The following STAMBPL1 variants were observed in gnomAD, a reference collection of about 807,000 sequenced individuals.
The protein encoded by STAMBPL1 is STAM binding protein like 1, also known as AMSH-like protease.
STAMBPL1 carries 44 observed loss-of-function variants against 52.9 expected under a neutral mutation model. The observed-to-expected ratio is 0.83, with a 90% CI of 0.65 to 1.07. The LOEUF (loss-of-function observed/expected upper bound fraction) is 1.07. Among genes scored for constraint, STAMBPL1 ranks in the 50% least tolerant of loss-of-function variants. The pLI is 0.00. For missense variants in STAMBPL1, 511 were observed against 520.8 expected, an observed-to-expected ratio of 0.98 and a Z score of 0.18; for synonymous variants, 164 against 177.3, an observed-to-expected ratio of 0.92 and a Z score of 0.60.
intron 8 of STAMBPL1, among the ~76,000 whole-genome samples, chr10:88,917,476 C>T (rs1317862388): frequency 2.0e-5 from 3 of 152,120 alleles, no homozygotes; most frequent in African/African-American, 7.2e-5. Flanking sequence ...TAAGAATTCA[C>T]TATAGGAGCA....
intron 2 of STAMBPL1, among the ~76,000 whole-genome samples, chr10:88,905,175 C>A (rs1303413772): frequency 1.3e-5 from 2 of 152,062 alleles, no homozygotes; most frequent in African/African-American, 4.8e-5. Flanking sequence ...CATTTGCATA[C>A]CCTGAAACCT....
chr10:88,901,507 G>C (rs1029444156), intron 1 of STAMBPL1, 149 bp from the exon 2 acceptor site: 1 of 413,138 alleles, frequency 2.4e-6, no homozygotes, highest in Non-Finnish European at 4.3e-6. Context: ...TTCAGGAAGA[G>C]ATTTCCAACA....
chr10:88,892,190 C>T (rs1359905206), intron 1 of STAMBPL1, among the ~76,000 whole-genome samples: 1 of 152,034 alleles, frequency 6.6e-6, no homozygotes, highest in Non-Finnish European at 1.5e-5. Flanking sequence ...GGGCCAGGTG[C>T]TTAGTGGGGG....
intron 1 of STAMBPL1, among the ~76,000 whole-genome samples, chr10:88,894,192 A>C (rs539303744): frequency 1.3e-5 from 2 of 152,234 alleles, no homozygotes; most frequent in East Asian, 3.9e-4. Context: ...TTCTGCTGTT[A>C]GTGGTTCCTG....
chr10:88,883,106 G>A (rs1322290217), intron 1 of STAMBPL1, among the ~76,000 whole-genome samples: 3 of 147,726 alleles, frequency 2.0e-5, no homozygotes, highest in Admixed American at 7.0e-5. Flanking sequence ...GAGAACATGC[G>A]GTGTTTGGTT....
intron 2 of STAMBPL1, among the ~76,000 whole-genome samples, chr10:88,902,097 A>G (rs1213336264): frequency 6.6e-6 from 1 of 152,158 alleles, no homozygotes; most frequent in African/African-American, 2.4e-5. Flanking sequence ...CTCACCTTGT[A>G]TGGCGTTAAC....
chr10:88,889,735 C>G (rs1239452473), intron 1 of STAMBPL1, among the ~76,000 whole-genome samples: 3 of 152,178 alleles, frequency 2.0e-5, no homozygotes, highest in African/African-American at 7.2e-5. Context: ...TGCAAAACCA[C>G]AGTAGTCATC....
intron 1 of STAMBPL1, among the ~76,000 whole-genome samples, chr10:88,890,187 G>A (rs150333643): frequency 4.6e-5 from 7 of 152,354 alleles, no homozygotes; most frequent in Non-Finnish European, 7.3e-5. Context: ...GGAGGAGGTG[G>A]TGTGAAAGAA....
In STAMBPL1 at chr10:88,901,661, G is replaced by A; in HGVS notation, c.-48G>A. On this transcript the variant is annotated 5_prime_UTR_variant, in exon 2 of 11. The change creates a new upstream start codon in the 5' untranslated region. Transcript: ENST00000371926. ...GCTTCTTGTTTTTGAAACAGATGAA[G>A]TGATTGAGAAGAAACAGTGAACATC... 6.3e-7 allele frequency: 1 copy of A among 1,587,326 alleles called. No homozygotes were observed. Among genetic ancestry groups the A allele is most frequent in the Middle Eastern group, 1.7e-4 (1 of 5,948 alleles).
At chr10:88,901,476 A>G in intron 1 of STAMBPL1, 180 bp from the exon 2 acceptor site, 1 of 385,828 alleles carries the variant, frequency 2.6e-6, no homozygotes, top group Non-Finnish European at 4.6e-6. Flanking sequence ...AGGAAACTAT[A>G]ACCACTTGCA....
At chr10:88,890,935 G>T (rs1270907364) in intron 1 of STAMBPL1, among the ~76,000 whole-genome samples, 1 of 152,086 alleles carries the variant, frequency 6.6e-6, no homozygotes, top group Non-Finnish European at 1.5e-5. Context: ...TTTATCCATC[G>T]CTTCCAGAGT....
At chr10:88,893,791 G>A (rs1438839512) in intron 1 of STAMBPL1, 3 of 152,156 alleles carry the variant, frequency 2.0e-5, no homozygotes, top group Non-Finnish European at 4.4e-5. Context: ...CTTTGGCAGG[G>A]AGGAGATAAT....
chr10:88,898,939 A>G (rs1330752890), intron 1 of STAMBPL1, among the ~76,000 whole-genome samples: 1 of 152,224 alleles, frequency 6.6e-6, no homozygotes, highest in Non-Finnish European at 1.5e-5. Context: ...AATAGAAACT[A>G]GAGACATGCA....
In STAMBPL1 at chr10:88,914,618, T is replaced by G. The variant is rs142629776; in HGVS notation, c.863T>G (p.Val288Gly). 2.1e-5 allele frequency: 32 copies of G among 1,498,312 alleles called. No homozygotes were observed. The highest frequency in any genetic ancestry group is 5.7e-5 in the African/African-American group (4 of 70,524). 92.8% of individuals were successfully genotyped at this position (1,498,312 alleles called of 1,614,324 possible). A position where few individuals can be genotyped will look rare whatever the true frequency, so the allele number is the denominator to read the frequency against. Residue 288 changes from valine to glycine, a missense_variant, in exon 7 of 11, where the codon GTG becomes GGG. By Grantham distance (109) the Val-to-Gly change is moderately radical (BLOSUM62 -3). Coordinates refer to ENST00000371926, the MANE Select transcript of STAMBPL1 (RefSeq NM_020799.4). Reference sequence around the variant, plus strand: ...CTGCAACTGGCAGAATCTAATACAGTGAGAGGAATAGAAACCTGTGGAATA... The same window carrying G: ...CTGCAACTGGCAGAATCTAATACAGGGAGAGGAATAGAAACCTGTGGAATA... ...KFLQLAESNTVRGIETCGILC... is the reference protein window; with the variant it reads ...KFLQLAESNTGRGIETCGILC...
chr10:88,906,215 T>C (rs1845071215), intron 3 of STAMBPL1, among the ~76,000 whole-genome samples: 1 of 152,234 alleles, frequency 6.6e-6, no homozygotes, highest in Non-Finnish European at 1.5e-5. Flanking sequence ...TTAAGAACAC[T>C]ATGTACAAAA....
intron 1 of STAMBPL1, among the ~76,000 whole-genome samples, chr10:88,890,947 T>C (rs746405166): frequency 4.6e-5 from 7 of 152,226 alleles, no homozygotes; most frequent in African/African-American, 9.6e-5. Context: ...TTCCAGAGTA[T>C]GTGTGTTTAA....
At chr10:88,910,205 A>C (rs939541114) in intron 4 of STAMBPL1, among the ~76,000 whole-genome samples, 5 of 152,214 alleles carry the variant, frequency 3.3e-5, no homozygotes, top group Non-Finnish European at 5.9e-5. Context: ...AAAGAGCTAG[A>C]GTCAGGAGAC....
chr10:88,883,905 T>C (rs1844467883), intron 1 of STAMBPL1, among the ~76,000 whole-genome samples: 1 of 152,266 alleles, frequency 6.6e-6, no homozygotes, highest in South Asian at 2.1e-4. Context: ...TTTTTTTTTG[T>C]TTTTGTTTTA....
At chr10:88,905,384 T>C in intron 2 of STAMBPL1, 59 bp from the exon 3 acceptor site, 1 of 1,309,518 alleles carries the variant, frequency 7.6e-7, no homozygotes, top group Admixed American at 1.7e-5. Context: ...ATAATATTAG[T>C]CATATCCTTT....
Sources: allele counts gnomAD v4.1 joint callset (sites outside exome capture counted in the v4.1 genomes callset), GRCh38; gene constraint gnomAD v4.1.1; transcripts MANE v1.5; gene names NCBI Gene and HGNC (gene_info 2026-07-23, HGNC 2026-07-21).